LEPR: variants seen among roughly 807,000 people sequenced by gnomAD.
The protein encoded by LEPR is leptin receptor.
A neutral mutation model predicts 114.7 loss-of-function variants in LEPR; 56 were observed. That is an observed-to-expected ratio of 0.49 (90% CI 0.39 to 0.61). The LOEUF is 0.61. Among genes scored for constraint, LEPR ranks in the 20% least tolerant of loss-of-function variants. The pLI, the probability that LEPR is intolerant of heterozygous loss-of-function variation, is 0.00. For missense variants in LEPR, 1,202 were observed against 1,352.9 expected (o/e 0.89, Z 1.75); for synonymous variants, 443 against 461.4 (o/e 0.96, Z 0.51).
At chr1:65,610,381 C>A in intron 14 of LEPR, 85 bp downstream of exon 14, 1 of 1,121,272 alleles carries the variant, frequency 8.9e-7, no homozygotes, top group Non-Finnish European at 1.3e-6. Flanking sequence ...TGTTATTAAT[C>A]TTCGGAAAGC....
Position 65,608,902 on chromosome 1 carries a change from G to T in LEPR, c.1752+1G>T. 6.2e-7 allele frequency: 1 copy of T among 1,613,488 alleles called. No homozygotes were observed. The highest frequency in any genetic ancestry group is 8.5e-7 in the Non-Finnish European group (1 of 1,179,722). ...AAGTGGAAAAGAAGTACAATGGAAGGTACCTTTTACTTAGAACTTCAGCTT... is the reference window on the plus strand; with the variant it reads ...AAGTGGAAAAGAAGTACAATGGAAGTTACCTTTTACTTAGAACTTCAGCTT... On this transcript the variant is annotated splice_donor_variant, in intron 12 of 19. Coordinates refer to ENST00000349533, the MANE Select transcript of LEPR (RefSeq NM_002303.6). LOFTEE classifies it high-confidence loss of function.
intron 2 of LEPR, among the ~76,000 whole-genome samples, chr1:65,549,010 A>G (rs2100704648): frequency 6.6e-6 from 1 of 151,998 alleles, no homozygotes; most frequent in East Asian, 1.9e-4. Context: ...CCTGGTGGTG[A>G]CAAAATCTCT....
At chr1:65,568,039 G>A (rs1653898684) in intron 3 of LEPR, among the ~76,000 whole-genome samples, 1 of 152,084 alleles carries the variant, frequency 6.6e-6, no homozygotes, top group Non-Finnish European at 1.5e-5. Flanking sequence ...GAATTTCACT[G>A]CCCTACCCAT....
At chr1:65,432,913 A>G in intron 2 of LEPR, 1 of 940,986 alleles carries the variant, frequency 1.1e-6, no homozygotes. Flanking sequence ...ACCCTATAAA[A>G]ATATACAATA....
At chr1:65,629,024 C>T (rs539651753) in intron 19 of LEPR, among the ~76,000 whole-genome samples, 7 of 152,136 alleles carry the variant, frequency 4.6e-5, no homozygotes, top group Middle Eastern at 3.4e-3. Flanking sequence ...ATGCTTATGC[C>T]ACTATGAAAT....
intron 1 of LEPR, among the ~76,000 whole-genome samples, chr1:65,423,547 C>T (rs1198410721): frequency 6.6e-6 from 1 of 152,102 alleles, no homozygotes; most frequent in Non-Finnish European, 1.5e-5. Flanking sequence ...GGGAAAAGAT[C>T]ATCTGAATGA....
chr1:65,535,020 A>G (rs934382887), intron 2 of LEPR, among the ~76,000 whole-genome samples: 7 of 152,208 alleles, frequency 4.6e-5, no homozygotes, highest in Admixed American at 2.0e-4. Flanking sequence ...TGAGAGAATC[A>G]AACAATTAGA....
At chr1:65,468,887 G>T (rs1005350408) in intron 2 of LEPR, among the ~76,000 whole-genome samples, 1 of 152,210 alleles carries the variant, frequency 6.6e-6, no homozygotes, top group African/African-American at 2.4e-5. Flanking sequence ...TGCTTAATAG[G>T]AGACACAAGC....
intron 2 of LEPR, among the ~76,000 whole-genome samples, chr1:65,552,651 G>C (rs889063462): frequency 6.6e-6 from 1 of 152,074 alleles, no homozygotes; most frequent in Non-Finnish European, 1.5e-5. Flanking sequence ...CACACTGATG[G>C]GTCGTGACTG....
At chr1:65,541,969 A>G (rs1651219547) in intron 2 of LEPR, among the ~76,000 whole-genome samples, 2 of 152,218 alleles carry the variant, frequency 1.3e-5, no homozygotes, top group African/African-American at 4.8e-5. Context: ...GTAGAATTTG[A>G]TAGGTAAAAA....
At chr1:65,460,480 A>C (rs932049201) in intron 2 of LEPR, among the ~76,000 whole-genome samples, 1 of 152,198 alleles carries the variant, frequency 6.6e-6, no homozygotes, top group African/African-American at 2.4e-5. Flanking sequence ...CTGTGTGTGC[A>C]TAGATACAGA....
At position 65,500,252 on chromosome 1, in the gene LEPR, A is replaced by G. The variant is rs141682948; in HGVS notation, c.-20-65294A>G. Among the ~76,000 whole-genome samples, 763 of 152,176 alleles carry G rather than the reference A, an allele frequency of 5.0e-3. 6 individuals are homozygous for G. Among genetic ancestry groups the G allele is most frequent in the African/African-American group, 0.018 (732 of 41,540 alleles). ...ACCCAGTCTCAGGTAGTTATTTATAACAGTGTGAAAACAGACTAATACAGA... is the reference window on the plus strand; with the variant it reads ...ACCCAGTCTCAGGTAGTTATTTATAGCAGTGTGAAAACAGACTAATACAGA... On this transcript the variant is annotated intron_variant, in intron 2 of 19. Coordinates refer to ENST00000349533, the MANE Select transcript of LEPR (RefSeq NM_002303.6).
intron 2 of LEPR, among the ~76,000 whole-genome samples, chr1:65,452,309 C>T (rs1380797639): frequency 6.6e-6 from 1 of 150,588 alleles, no homozygotes; most frequent in Non-Finnish European, 1.5e-5. Flanking sequence ...GAACTTCCAA[C>T]ACTATGTTGA....
intron 2 of LEPR, among the ~76,000 whole-genome samples, chr1:65,554,767 A>T (rs1652692528): frequency 6.6e-6 from 1 of 151,844 alleles, no homozygotes; most frequent in African/African-American, 2.4e-5. Flanking sequence ...TGAAAAAAAA[A>T]ACTCCTGCAA....
chr1:65,506,234 G>A (rs770626491), intron 2 of LEPR, among the ~76,000 whole-genome samples: 4 of 152,152 alleles, frequency 2.6e-5, no homozygotes, highest in Non-Finnish European at 5.9e-5. Flanking sequence ...TCAAGTTACC[G>A]GGATTCAGTT....
At chr1:65,569,828 G>T (rs1269238484) in intron 3 of LEPR, among the ~76,000 whole-genome samples, 1 of 151,684 alleles carries the variant, frequency 6.6e-6, no homozygotes, top group African/African-American at 2.4e-5. Context: ...ATCAGCAGTG[G>T]GCATTTCCCA....
chr1:65,572,315 T>TTTTAAA lies in LEPR; in HGVS notation c.371-9_371-8insTAAATT. 1.4e-6 allele frequency: 2 copies of TTTTAAA among 1,469,974 alleles called. No individual in the cohort carries two copies. Among genetic ancestry groups the TTTTAAA allele is most frequent in the African/African-American group, 1.5e-5 (1 of 67,888 alleles). The allele number at this position is 1,469,974 out of a possible 1,614,324, so 91.1% of individuals were successfully genotyped here. ...GTTTTTTTTTTTTTTTTTTTTTTTT[T>TTTTAAA]TTAAATTCAGATGCAAACTGGAACA... On this transcript the variant is annotated splice_polypyrimidine_tract_variant and intron_variant, in intron 4 of 19. Coordinates refer to ENST00000349533, the MANE Select transcript of LEPR (RefSeq NM_002303.6).
intron 5 of LEPR, among the ~76,000 whole-genome samples, chr1:65,587,585 CT>C (rs887565864): frequency 2.5e-4 from 38 of 152,118 alleles, no homozygotes; most frequent in African/African-American, 8.9e-4. Flanking sequence ...TATAAACTTA[CT>C]TGTCCATGAT....
intron 2 of LEPR, among the ~76,000 whole-genome samples, chr1:65,451,608 G>C (rs1234738846): frequency 6.6e-6 from 1 of 152,182 alleles, no homozygotes; most frequent in Non-Finnish European, 1.5e-5. Flanking sequence ...CATTATTTCT[G>C]AGGGCTCTGT....
Sources: gnomAD v4.1 joint callset for allele counts (sites outside exome capture counted in the v4.1 genomes callset) on GRCh38, gnomAD v4.1.1 for gene constraint, MANE v1.5 for transcripts, NCBI Gene and HGNC (gene_info 2026-07-23, HGNC 2026-07-21) for gene names.